GALNT14: variants seen among roughly 807,000 people sequenced by gnomAD.
GALNT14 encodes polypeptide N-acetylgalactosaminyltransferase 14, also known as UDP-GalNAc:polypeptide N-acetylgalactosaminyltransferase 14.
In GALNT14, 60 loss-of-function variants were observed where a neutral mutation model predicts 77.5. That is an observed-to-expected ratio of 0.77 (90% CI 0.63 to 0.96). The LOEUF (loss-of-function observed/expected upper bound fraction) is 0.96. GALNT14 is among the 40% of genes least tolerant of loss of function. The pLI, the probability that GALNT14 is intolerant of heterozygous loss-of-function variation, is 0.00. For missense variants in GALNT14, 710 were observed against 731.0 expected (o/e 0.97, Z 0.33); for synonymous variants, 280 against 281.7 (o/e 0.99, Z 0.06).
chr2:31,122,551 C>G (rs1446231267), intron 1 of GALNT14, among the ~76,000 whole-genome samples: 1 of 152,208 alleles, frequency 6.6e-6, no homozygotes, highest in African/African-American at 2.4e-5. Flanking sequence ...GGGGATCTTA[C>G]TAAATGCAGA....
chr2:30,931,446 T>G (rs1383086182), intron 10 of GALNT14, among the ~76,000 whole-genome samples: 1 of 149,372 alleles, frequency 6.7e-6, no homozygotes, highest in African/African-American at 2.5e-5. Flanking sequence ...GAAAAAAGAG[T>G]GGATGAAGGG....
chr2:30,956,125 G>A (rs1039202785), intron 4 of GALNT14, 148 bp from the exon 5 acceptor site: 1 of 748,514 alleles, frequency 1.3e-6, no homozygotes, highest in Non-Finnish European at 2.3e-6. Context: ...ACTCCAGGGT[G>A]TTTCCAGGCT....
chr2:31,138,151 T>A lies in GALNT14; in HGVS notation c.-65A>T. ...GGGGGCACCCCCCGGCGGTCAGGGTTGGCGGGGCAGGAGTCCTGGCGAGCG... is the reference window on the plus strand; with the variant it reads ...GGGGGCACCCCCCGGCGGTCAGGGTAGGCGGGGCAGGAGTCCTGGCGAGCG... On this transcript the variant is annotated 5_prime_UTR_variant, in exon 1 of 15. Coordinates refer to ENST00000349752, the MANE Select transcript of GALNT14 (RefSeq NM_024572.4). 6.2e-7 allele frequency: 1 copy of A among 1,609,110 alleles called. No homozygotes were observed.
downstream of GALNT14, among the ~76,000 whole-genome samples, chr2:30,907,786 A>G (rs1253318128): frequency 6.7e-6 from 1 of 149,108 alleles, no homozygotes; most frequent in Non-Finnish European, 1.5e-5. Context: ...AATATCCTTG[A>G]TGAACATTGA....
intron 9 of GALNT14, among the ~76,000 whole-genome samples, chr2:30,937,949 A>G (rs1031672943): frequency 1.3e-5 from 2 of 152,136 alleles, no homozygotes; most frequent in East Asian, 3.9e-4. Context: ...ATTTAAACTC[A>G]GGCCTATGAA....
intron 1 of GALNT14, among the ~76,000 whole-genome samples, chr2:31,016,614 C>T (rs943522544): frequency 9.9e-5 from 15 of 152,092 alleles, no homozygotes; most frequent in African/African-American, 3.6e-4. Flanking sequence ...TCTACAGAGA[C>T]CTGCCCCCCA....
At chr2:30,915,467 C>G (rs1664619608) in intron 13 of GALNT14, among the ~76,000 whole-genome samples, 1 of 152,132 alleles carries the variant, frequency 6.6e-6, no homozygotes, top group Non-Finnish European at 1.5e-5. Context: ...TGATGTCTGG[C>G]CACATCTGAA....
intron 1 of GALNT14, among the ~76,000 whole-genome samples, chr2:31,129,016 G>A (rs1678842964): frequency 6.6e-6 from 1 of 150,810 alleles, no homozygotes; most frequent in African/African-American, 2.4e-5. Flanking sequence ...AGCAGAGGGA[G>A]GGCATCTTTT....
intron 1 of GALNT14, among the ~76,000 whole-genome samples, chr2:31,070,111 G>A (rs1214611232): frequency 6.6e-6 from 1 of 152,140 alleles, no homozygotes; most frequent in African/African-American, 2.4e-5. Flanking sequence ...CCACTGGAGT[G>A]ATGTCCCAGG....
intron 13 of GALNT14, among the ~76,000 whole-genome samples, chr2:30,913,465 G>C (rs1664492919): frequency 6.6e-6 from 1 of 152,134 alleles, no homozygotes; most frequent in Non-Finnish European, 1.5e-5. Flanking sequence ...CAGACATGGT[G>C]GTCATCTGTC....
intron 2 of GALNT14, among the ~76,000 whole-genome samples, chr2:30,989,581 T>TATATATATATATATATATATAA (rs1384068782): frequency 6.5e-5 from 7 of 108,180 alleles, no homozygotes; most frequent in African/African-American, 3.4e-4. Flanking sequence ...TATATATATA[T>TATATATATATATATATATATAA]AAAAATATAT....
chr2:31,010,877 T>C (rs568813184), intron 1 of GALNT14, among the ~76,000 whole-genome samples: 1 of 152,350 alleles, frequency 6.6e-6, no homozygotes, highest in Admixed American at 6.5e-5. Flanking sequence ...TGATCAACTG[T>C]GGCCAGCAAG....
At chr2:31,122,919 C>T (rs13413655) in intron 1 of GALNT14, among the ~76,000 whole-genome samples, 4 of 152,120 alleles carry the variant, frequency 2.6e-5, no homozygotes, top group Non-Finnish European at 5.9e-5. Flanking sequence ...CTGTGGCTTA[C>T]GCCTGTAATC....
intron 1 of GALNT14, among the ~76,000 whole-genome samples, chr2:31,128,623 C>A (rs1163466231): frequency 6.6e-6 from 1 of 152,194 alleles, no homozygotes; most frequent in African/African-American, 2.4e-5. Context: ...GTCCTGCCAG[C>A]AAACCCTGCA....
At chr2:30,894,394 G>GT in the GALNT14 span, among the ~76,000 whole-genome samples, 1 of 152,242 alleles carries the variant, frequency 6.6e-6, no homozygotes, top group Non-Finnish European at 1.5e-5. Flanking sequence ...TGAAGCTGCA[G>GT]TTGGACTAGA....
intron 1 of GALNT14, among the ~76,000 whole-genome samples, chr2:31,110,243 A>G (rs1404032109): frequency 6.6e-6 from 1 of 152,156 alleles, no homozygotes; most frequent in East Asian, 1.9e-4. Context: ...TGCAGAGAGC[A>G]CACAGCTTCC....
Position 30,958,272 on chromosome 2 carries a change from C to A in GALNT14, c.466+125G>T. Reference sequence around the variant, plus strand: ...CCTAGCCACGGACGCTCAAAGACTTCCGTACCTATTACAAACCTGGGCTTT... The same window carrying A: ...CCTAGCCACGGACGCTCAAAGACTTACGTACCTATTACAAACCTGGGCTTT... On this transcript the variant is annotated intron_variant, in intron 4 of 14. Coordinates refer to ENST00000349752, the MANE Select transcript of GALNT14 (RefSeq NM_024572.4). 6.7e-6 allele frequency: 5 copies of A among 750,948 alleles called. No individual in the cohort carries two copies. In the African/African-American group the frequency reaches 8.8e-5, roughly 13 times the overall value. 46.5% of individuals were successfully genotyped at this position (750,948 alleles called of 1,614,324 possible).
At chr2:31,070,148 A>T (rs1170069739) in intron 1 of GALNT14, among the ~76,000 whole-genome samples, 1 of 152,210 alleles carries the variant, frequency 6.6e-6, no homozygotes, top group Non-Finnish European at 1.5e-5. Context: ...GGCAGGGCAT[A>T]CAGTGGGATC....
intron 1 of GALNT14, among the ~76,000 whole-genome samples, chr2:31,061,598 C>T (rs1198107869): frequency 6.6e-6 from 1 of 152,154 alleles, no homozygotes; most frequent in African/African-American, 2.4e-5. Context: ...TCCTGTAGCT[C>T]ATATGCCCTT....
Sources: gnomAD v4.1 joint callset for allele counts (sites outside exome capture counted in the v4.1 genomes callset) on GRCh38, gnomAD v4.1.1 for gene constraint, MANE v1.5 for transcripts, NCBI Gene and HGNC (gene_info 2026-07-23, HGNC 2026-07-21) for gene names.